The following CUL5 variants were observed in gnomAD, a reference collection of about 807,000 sequenced individuals.
CUL5 encodes the protein cullin 5.
In CUL5, 26 loss-of-function variants were observed where a neutral mutation model predicts 108.8. The ratio of observed to expected loss-of-function variants is 0.24; its 90% CI spans 0.18 to 0.33. The LOEUF (loss-of-function observed/expected upper bound fraction) is 0.33, where lower values mean the gene tolerates loss of function less well. Ranked by LOEUF, CUL5 falls within the 10% of genes least tolerant of loss-of-function variation. The pLI, the probability that CUL5 is intolerant of heterozygous loss-of-function variation, is 1.00. For synonymous variants in CUL5, 334 were observed against 298.0 expected (o/e 1.12, Z -1.25); for missense variants, 524 against 909.2 (o/e 0.58, Z 5.45).
intron 3 of CUL5, among the ~76,000 whole-genome samples, chr11:108,047,312 T>A (rs1476323299): frequency 6.6e-6 from 1 of 151,920 alleles, no homozygotes; most frequent in Non-Finnish European, 1.5e-5. Context: ...TGAGACCCTG[T>A]CTCAAAAAAA....
intron 1 of CUL5, among the ~76,000 whole-genome samples, chr11:108,028,147 C>T (rs969279896): frequency 6.6e-6 from 1 of 152,126 alleles, no homozygotes; most frequent in Admixed American, 6.6e-5. Context: ...TCTAGATTTC[C>T]ATATTGGACT....
intron 2 of CUL5, among the ~76,000 whole-genome samples, chr11:108,037,457 T>G (rs927001422): frequency 6.6e-6 from 1 of 152,220 alleles, no homozygotes; most frequent in Non-Finnish European, 1.5e-5. Context: ...GGACTTACCA[T>G]GTAGTTGTAT....
rs562427715 is a variant in CUL5 at position 108,053,985 on chromosome 11, A to G, written c.554-662A>G. On this transcript the variant is annotated intron_variant, in intron 5 of 18. Transcript: ENST00000393094. Reference sequence around the variant, plus strand: ...CTCAGCCTCCAGAATAGCTGAGATTACAGGTGTGTGCCATCACTCCCAGCT... The same window carrying G: ...CTCAGCCTCCAGAATAGCTGAGATTGCAGGTGTGTGCCATCACTCCCAGCT... 1.1e-4 allele frequency among the ~76,000 whole-genome samples: 17 copies of G among 152,250 alleles called. No homozygotes were observed. The South Asian group carries it at 3.5e-3, about 32-fold the overall frequency.
intron 3 of CUL5, among the ~76,000 whole-genome samples, chr11:108,048,422 C>G (rs12272676): frequency 6.6e-6 from 1 of 152,072 alleles, no homozygotes. Flanking sequence ...ACATGGTGGT[C>G]TAAGAGAGCA....
chr11:108,084,128 T>G (rs891401542), intron 11 of CUL5, among the ~76,000 whole-genome samples: 1 of 152,210 alleles, frequency 6.6e-6, no homozygotes, highest in Non-Finnish European at 1.5e-5. Context: ...GATAGTAGCA[T>G]CCAAGTTATT....
chr11:108,032,014 T>C (rs1038663186), intron 1 of CUL5, among the ~76,000 whole-genome samples: 1 of 152,158 alleles, frequency 6.6e-6, no homozygotes, highest in African/African-American at 2.4e-5. Flanking sequence ...CACTGGGGCC[T>C]ACCAGAGGGT....
chr11:108,025,406 A>G (rs1862429174), intron 1 of CUL5, among the ~76,000 whole-genome samples: 1 of 152,064 alleles, frequency 6.6e-6, no homozygotes, highest in East Asian at 1.9e-4. Flanking sequence ...TTTTTCTCTA[A>G]ATAGTTTTGG....
chr11:108,030,039 ATTTG>A (rs376213696), intron 1 of CUL5, among the ~76,000 whole-genome samples: 11 of 152,266 alleles, frequency 7.2e-5, no homozygotes, highest in Non-Finnish European at 1.2e-4. Context: ...GTTCTTTCAT[ATTTG>A]TTTATTTGCA....
chr11:108,048,648 C>CTTTTTTTTTTTTTTTTT lies in CUL5; in HGVS notation c.235-1222_235-1206dup, dbSNP rs200991204. Among the ~76,000 whole-genome samples the CTTTTTTTTTTTTTTTTT allele has an allele frequency of 1.7e-3, 197 of 116,832 alleles. 7 individuals are homozygous for CTTTTTTTTTTTTTTTTT. Among genetic ancestry groups the CTTTTTTTTTTTTTTTTT allele is most frequent in the Non-Finnish European group, 2.4e-3 (139 of 58,968 alleles). 76.6% of individuals were successfully genotyped at this position (116,832 alleles called of 152,430 possible). Reference sequence around the variant, plus strand: ...ATAGTGGGGAAATAGACTCCACCACCTTTTTTTTTTTTTTTTTTTTTTTTT... The same window carrying CTTTTTTTTTTTTTTTTT: ...ATAGTGGGGAAATAGACTCCACCACCTTTTTTTTTTTTTTTTTTTTTTTTTTTTTTTTTTTTTTTTTT... On this transcript the variant is annotated intron_variant, in intron 3 of 18. Transcript: ENST00000393094.
intron 4 of CUL5, among the ~76,000 whole-genome samples, chr11:108,051,292 G>A (rs1380267742): frequency 6.6e-6 from 1 of 152,086 alleles, no homozygotes; most frequent in South Asian, 2.1e-4. Context: ...CCATTCTATT[G>A]GTTGTGGGAA....
chr11:108,020,105 C>A (rs1355467056), intron 1 of CUL5, among the ~76,000 whole-genome samples: 2 of 152,182 alleles, frequency 1.3e-5, no homozygotes, highest in Non-Finnish European at 2.9e-5. Flanking sequence ...TCATTAGGCC[C>A]ACTTACAACA....
intron 11 of CUL5, among the ~76,000 whole-genome samples, chr11:108,086,313 T>G (rs1357183247): frequency 2.0e-5 from 3 of 152,150 alleles, no homozygotes; most frequent in Non-Finnish European, 4.4e-5. Flanking sequence ...AGTAACAATA[T>G]AAGACTAATA....
intron 16 of CUL5, among the ~76,000 whole-genome samples, chr11:108,096,187 A>G (rs1864488311): frequency 6.6e-6 from 1 of 150,756 alleles, no homozygotes; most frequent in South Asian, 2.1e-4. Context: ...AGGCAGAGAA[A>G]AGTGCTTCAA....
intron 7 of CUL5, among the ~76,000 whole-genome samples, chr11:108,059,527 C>A (rs530663081): frequency 6.6e-6 from 1 of 152,086 alleles, no homozygotes; most frequent in Non-Finnish European, 1.5e-5. Context: ...TGTTATTTTA[C>A]CAGCTGTCTG....
chr11:108,057,940 G>T (rs541001783), intron 7 of CUL5, among the ~76,000 whole-genome samples: 1 of 152,178 alleles, frequency 6.6e-6, no homozygotes, highest in East Asian at 1.9e-4. Context: ...GCTGGGTGCA[G>T]TGGCTCACGC....
At chr11:108,053,938 C>G (rs531729187) in intron 5 of CUL5, among the ~76,000 whole-genome samples, 1 of 152,140 alleles carries the variant, frequency 6.6e-6, no homozygotes, top group African/African-American at 2.4e-5. Flanking sequence ...CTCCACTTCC[C>G]AAGTTCAAGC....
rs1165962051 is a variant in CUL5 at position 108,009,212 on chromosome 11, G to A, written c.-137G>A. On this transcript the variant is annotated 5_prime_UTR_variant, in exon 1 of 19. Coordinates refer to ENST00000393094, the MANE Select transcript of CUL5 (RefSeq NM_003478.6). ...GGGACGAGGTCAGCGCTGTCGGCGC[G>A]CTGCTCCAGCGCCCACCACACCCTG... The A allele has an allele frequency of 2.4e-6, 2 of 846,026 alleles. No homozygotes were observed. Among genetic ancestry groups the A allele is most frequent in the Admixed American group, 2.5e-5 (1 of 39,912 alleles). 52.4% of individuals were successfully genotyped at this position (846,026 alleles called of 1,614,324 possible).
At position 108,049,820 on chromosome 11, in the gene CUL5, G is replaced by C. The variant is rs570670204; in HGVS notation, c.235-70G>C. On this transcript the variant is annotated intron_variant, in intron 3 of 18. Coordinates refer to ENST00000393094, the MANE Select transcript of CUL5 (RefSeq NM_003478.6). ...AAAAATTATGTACAATTTAAATTTT[G>C]GCATGAATATGTTCTTAATTTTTCA... The C allele has an allele frequency of 5.2e-5, 61 of 1,170,054 alleles. No homozygotes were observed. The African/African-American group carries it at 9.4e-4, about 18-fold the overall frequency. 72.5% of individuals were successfully genotyped at this position (1,170,054 alleles called of 1,614,324 possible).
At position 108,091,691 on chromosome 11, in the gene CUL5, TCACTCACA is replaced by T. The variant is rs1864364234; in HGVS notation, c.1443+2072_1443+2079del. ...GCAACAGAGTCAGATCCTGTCTCTC[TCACTCACA>T]CACACACACACACACACACACACAC... is the stretch of plus-strand genomic sequence containing the variant. On this transcript the variant is annotated intron_variant, in intron 13 of 18. Transcript: ENST00000393094. Among the ~76,000 whole-genome samples, 6 of 59,852 alleles carry T rather than the reference TCACTCACA, an allele frequency of 1.0e-4. No individual in the cohort carries two copies. The South Asian group carries it at 3.4e-3, about 34-fold the overall frequency. The allele number at this position is 59,852 out of a possible 152,430, so 39.3% of individuals were successfully genotyped here. A position where few individuals can be genotyped will look rare whatever the true frequency, so the allele number is the denominator to read the frequency against.
Sources: allele counts gnomAD v4.1 joint callset (sites outside exome capture counted in the v4.1 genomes callset), GRCh38; gene constraint gnomAD v4.1.1; transcripts MANE v1.5; gene names NCBI Gene and HGNC (gene_info 2026-07-23, HGNC 2026-07-21).